The following SMYD3 variants were observed in gnomAD, a reference collection of about 807,000 sequenced individuals.
SMYD3 encodes SET and MYND domain containing 3.
In SMYD3, 36 loss-of-function variants were observed where a neutral mutation model predicts 57.7. That is an observed-to-expected ratio of 0.62 (90% CI 0.48 to 0.82). The LOEUF (loss-of-function observed/expected upper bound fraction) is 0.82. SMYD3 is among the 40% of genes least tolerant of loss of function. The probability of loss-of-function intolerance (pLI) is 0.00; values close to 1 mark genes in which losing one functional copy is unlikely to be tolerated. For synonymous variants in SMYD3, 211 were observed against 195.0 expected, an observed-to-expected ratio of 1.08 and a Z score of -0.68; for missense variants, 515 against 538.8, an observed-to-expected ratio of 0.96 and a Z score of 0.44.
At chr1:246,419,035 G>A (rs545866554) in intron 1 of SMYD3, among the ~76,000 whole-genome samples, 6 of 152,172 alleles carry the variant, frequency 3.9e-5, no homozygotes, top group Admixed American at 2.6e-4. Context: ...CCGCCCTTGC[G>A]ATAATGGACT....
chr1:245,986,461 C>G (rs527874915), intron 5 of SMYD3, among the ~76,000 whole-genome samples: 7 of 152,256 alleles, frequency 4.6e-5, no homozygotes, highest in Admixed American at 2.0e-4. Context: ...TGTAGCTGGT[C>G]CAAGTTTTAT....
At chr1:246,084,001 C>T (rs1171107000) in intron 5 of SMYD3, among the ~76,000 whole-genome samples, 3 of 151,966 alleles carry the variant, frequency 2.0e-5, no homozygotes, top group Non-Finnish European at 4.4e-5. Flanking sequence ...AACAGGCCCA[C>T]CCAAGGATTT....
At chr1:246,210,756 C>T (rs1022045727) in intron 5 of SMYD3, among the ~76,000 whole-genome samples, 9 of 151,990 alleles carry the variant, frequency 5.9e-5, no homozygotes, top group Non-Finnish European at 7.4e-5. Flanking sequence ...CAAATCCATT[C>T]GCAGCTCTCC....
chr1:246,462,274 TGCTGGGTACAGTGCATCCTCTCGC>T (rs1452791116), intron 1 of SMYD3, among the ~76,000 whole-genome samples: 1 of 19,114 alleles, frequency 5.2e-5, no homozygotes, highest in East Asian at 1.3e-3. Flanking sequence ...CCGCGGGGCC[TGCTGGGTACAGTGCATCCTCTCGC>T]GGGGCCTGCT....
intron 8 of SMYD3, among the ~76,000 whole-genome samples, chr1:245,884,387 C>G (rs1024340045): frequency 6.6e-6 from 1 of 152,122 alleles, no homozygotes; most frequent in Non-Finnish European, 1.5e-5. Flanking sequence ...CTCTCTTCTG[C>G]AGGGACAGAG....
At chr1:245,998,203 G>C (rs113834656) in intron 5 of SMYD3, among the ~76,000 whole-genome samples, 225 of 152,294 alleles carry the variant, frequency 1.5e-3, no homozygotes, top group African/African-American at 4.7e-3. Flanking sequence ...ATCAGCCCCT[G>C]CTTCGGTGGC....
chr1:245,924,888 T>C (rs541550822), intron 7 of SMYD3, among the ~76,000 whole-genome samples: 43 of 152,150 alleles, frequency 2.8e-4, no homozygotes, highest in African/African-American at 9.6e-4. Context: ...GGATGCAAAC[T>C]CCTGACCTCA....
Position 246,020,774 on chromosome 1 carries a change from G to A in SMYD3, c.532-90837C>T, listed in dbSNP as rs534131859. 1.7e-3 allele frequency among the ~76,000 whole-genome samples: 265 copies of A among 152,208 alleles called. 2 individuals are homozygous for A. The highest frequency in any genetic ancestry group is 5.9e-3 in the African/African-American group (246 of 41,510). Reference sequence around the variant, plus strand: ...CCAGGAGTGTGAATAGGTTTTTCTAGGTTAGAAGCAGAATTGAAGTCAGAA... The same window carrying A: ...CCAGGAGTGTGAATAGGTTTTTCTAAGTTAGAAGCAGAATTGAAGTCAGAA... On this transcript the variant is annotated intron_variant, in intron 5 of 11. Coordinates refer to ENST00000490107, the MANE Select transcript of SMYD3 (RefSeq NM_001167740.2).
intron 10 of SMYD3, among the ~76,000 whole-genome samples, chr1:245,809,397 C>A (rs1477135244): frequency 6.6e-6 from 1 of 152,114 alleles, no homozygotes; most frequent in Non-Finnish European, 1.5e-5. Context: ...CAATAGCACC[C>A]ACCTCAGTTG....
chr1:246,288,381 G>A (rs1307454868), intron 5 of SMYD3, among the ~76,000 whole-genome samples: 1 of 151,960 alleles, frequency 6.6e-6, no homozygotes, highest in Non-Finnish European at 1.5e-5. Flanking sequence ...TCAAAACTAC[G>A]ATCCACACAC....
At chr1:245,854,608 TC>T (rs902719816) in intron 10 of SMYD3, among the ~76,000 whole-genome samples, 5 of 152,114 alleles carry the variant, frequency 3.3e-5, no homozygotes, top group African/African-American at 4.8e-5. Flanking sequence ...TCTCTCTCTC[TC>T]TTTTTCCCGC....
intron 10 of SMYD3, among the ~76,000 whole-genome samples, chr1:245,814,691 C>G (rs549246113): frequency 1.2e-4 from 18 of 152,220 alleles, no homozygotes; most frequent in Admixed American, 9.2e-4. Context: ...CTGCTAAGAG[C>G]TCCGATGAGG....
chr1:246,111,889 G>A (rs1335188663), intron 5 of SMYD3, among the ~76,000 whole-genome samples: 4 of 152,186 alleles, frequency 2.6e-5, no homozygotes, highest in Non-Finnish European at 5.9e-5. Context: ...TTATTAGCCA[G>A]CTGTTAATTC....
At chr1:245,993,912 C>A (rs1285615982) in intron 5 of SMYD3, among the ~76,000 whole-genome samples, 2 of 152,162 alleles carry the variant, frequency 1.3e-5, no homozygotes, top group African/African-American at 4.8e-5. Flanking sequence ...TTATGTATAT[C>A]TTACCACCAT....
intron 4 of SMYD3, among the ~76,000 whole-genome samples, chr1:246,327,798 A>T (rs1164559889): frequency 6.6e-6 from 1 of 152,238 alleles, no homozygotes; most frequent in East Asian, 1.9e-4. Flanking sequence ...AAAAGTTCAG[A>T]TAAAGTTCAA....
chr1:245,844,785 AT>A (rs1387065832), intron 10 of SMYD3, among the ~76,000 whole-genome samples: 1 of 152,066 alleles, frequency 6.6e-6, no homozygotes, highest in African/African-American at 2.4e-5. Context: ...CCTGGCTAAC[AT>A]GGGTCACATG....
At chr1:245,993,619 TAGATAGATAGATAGACAGAC>T (rs1265424313) in intron 5 of SMYD3, among the ~76,000 whole-genome samples, 1,014 of 82,258 alleles carry the variant, frequency 0.012, 10 homozygotes, top group African/African-American at 0.035. Context: ...GATAGATAGA[TAGATAGATAGATAGACAGAC>T]AGACAGACAG....
At chr1:245,771,059 CAT>C (rs1315620878) in intron 10 of SMYD3, among the ~76,000 whole-genome samples, 1 of 151,872 alleles carries the variant, frequency 6.6e-6, no homozygotes, top group African/African-American at 2.4e-5. Flanking sequence ...CACACACACA[CAT>C]ACACACATAT....
chr1:246,472,752 A>AT lies in SMYD3; in HGVS notation c.164+34301_164+34302insA, dbSNP rs998644613. ...GAGCAAGATCCTGTCTCCAAAAAAA[A>AT]GTCAAACAGAAAAAACAAAAAGCTT... is the stretch of plus-strand genomic sequence containing the variant. On this transcript the variant is annotated intron_variant, in intron 1 of 11. Coordinates refer to ENST00000490107, the MANE Select transcript of SMYD3 (RefSeq NM_001167740.2). Among the ~76,000 whole-genome samples the AT allele has an allele frequency of 2.9e-3, 449 of 152,248 alleles. 1 individual carries two copies. The highest frequency in any genetic ancestry group is 1.0e-2 in the African/African-American group (415 of 41,538).
Sources: gnomAD v4.1 joint callset for allele counts (sites outside exome capture counted in the v4.1 genomes callset) on GRCh38, gnomAD v4.1.1 for gene constraint, MANE v1.5 for transcripts, NCBI Gene and HGNC (gene_info 2026-07-23, HGNC 2026-07-21) for gene names.